Variants in TENM2 observed in about 807,000 individuals in gnomAD.
TENM2 encodes teneurin transmembrane protein 2, also known as teneurin-2.
A neutral mutation model predicts 245.2 loss-of-function variants in TENM2; 52 were observed. That is an observed-to-expected ratio of 0.21 (90% CI 0.17 to 0.27). TENM2 has a LOEUF of 0.27. Ranked by LOEUF, TENM2 falls within the 10% of genes least tolerant of loss-of-function variation. TENM2 has a pLI of 1.00. For missense variants in TENM2, 3,046 were observed against 3,666.8 expected (o/e 0.83, Z 4.37); for synonymous variants, 1,363 against 1,438.9 (o/e 0.95, Z 1.19).
the TENM2 span, among the ~76,000 whole-genome samples, chr5:167,218,682 A>G: frequency 6.6e-6 from 1 of 152,208 alleles, no homozygotes; most frequent in South Asian, 2.1e-4. Flanking sequence ...AAAATAAATG[A>G]ATAAAAGAAA....
chr5:167,439,086 A>G (rs984535076), intron 2 of TENM2, among the ~76,000 whole-genome samples: 2 of 152,172 alleles, frequency 1.3e-5, no homozygotes, highest in Non-Finnish European at 2.9e-5. Flanking sequence ...GAGCCGCCGC[A>G]CCGGGCCGCC....
At chr5:167,191,839 G>C in the TENM2 span, among the ~76,000 whole-genome samples, 60 of 152,048 alleles carry the variant, frequency 3.9e-4, no homozygotes, top group African/African-American at 1.4e-3. Flanking sequence ...CTCAAAACTT[G>C]TTAAAAATTC....
At chr5:168,042,746 T>G (rs1428512747) in intron 5 of TENM2, among the ~76,000 whole-genome samples, 1 of 152,224 alleles carries the variant, frequency 6.6e-6, no homozygotes, top group Non-Finnish European at 1.5e-5. Context: ...TTATCCTTAC[T>G]GAAATCGGGG....
intron 2 of TENM2, among the ~76,000 whole-genome samples, chr5:167,648,770 G>T (rs1444642349): frequency 6.6e-6 from 1 of 152,156 alleles, no homozygotes; most frequent in African/African-American, 2.4e-5. Flanking sequence ...TTGATGTTGG[G>T]AATCAGTTAA....
chr5:167,958,409 TG>T (rs1780729350), intron 4 of TENM2, among the ~76,000 whole-genome samples: 1 of 152,190 alleles, frequency 6.6e-6, no homozygotes, highest in African/African-American at 2.4e-5. Context: ...TACAGCACAC[TG>T]ATGGGTCTTG....
At chr5:167,048,709 G>T in the TENM2 span, among the ~76,000 whole-genome samples, 760 of 152,174 alleles carry the variant, frequency 5.0e-3, 6 homozygotes, top group Middle Eastern at 0.017. Context: ...AAAAAGTATT[G>T]CTGCTAAATA....
chr5:167,433,502 T>C (rs1259857492), intron 2 of TENM2, among the ~76,000 whole-genome samples: 1 of 152,192 alleles, frequency 6.6e-6, no homozygotes, highest in African/African-American at 2.4e-5. Flanking sequence ...CTTATGCTTT[T>C]TATTGCTGTT....
the TENM2 span, among the ~76,000 whole-genome samples, chr5:167,226,620 ATGTTTCATG>A: frequency 6.6e-6 from 1 of 152,054 alleles, no homozygotes; most frequent in African/African-American, 2.4e-5. Context: ...ATCCTGGAGA[ATGTTTCATG>A]TGCTGATGAG....
Position 168,218,159 on chromosome 5 carries a change from A to G in TENM2, c.4268A>G (p.Asn1423Ser), listed in dbSNP as rs771240154. 3.7e-6 allele frequency: 6 copies of G among 1,613,692 alleles called. No homozygotes were observed. The highest frequency in any genetic ancestry group is 1.1e-5 in the South Asian group (1 of 91,074). ...GAGTGGCCAACAGACCTTGCTGTCA[A>G]TCCCATGGATAACTCCTTGTATGTT... Residue 1423 changes from asparagine (N) to serine (S), a missense_variant, in exon 23 of 29, where the codon AAT (asparagine) becomes AGT (serine). This residue lies in a region of TENM2 where 2,704 missense variants were observed against 3,331.9 expected (regional missense o/e 0.81). Coordinates refer to ENST00000518659, the Ensembl canonical transcript of TENM2. The surrounding 1 kb of genome is among the most constrained non-coding windows in gnomAD (Gnocchi z 5.2).
chr5:167,867,121 C>T (rs187056628), intron 2 of TENM2, among the ~76,000 whole-genome samples: 45 of 152,250 alleles, frequency 3.0e-4, no homozygotes, highest in Middle Eastern at 6.8e-3. Context: ...ATTTGAGGAT[C>T]CATTGCCTTT....
intron 2 of TENM2, among the ~76,000 whole-genome samples, chr5:167,459,965 G>A (rs944408136): frequency 1.3e-5 from 2 of 149,752 alleles, no homozygotes; most frequent in Non-Finnish European, 3.0e-5. Context: ...ACACTCAAAC[G>A]CATATATATA....
At chr5:167,401,180 T>C (rs1762350201) in intron 2 of TENM2, among the ~76,000 whole-genome samples, 1 of 152,102 alleles carries the variant, frequency 6.6e-6, no homozygotes, top group South Asian at 2.1e-4. Context: ...TGTACATATG[T>C]AGAGATCTTG....
intron 1 of TENM2, among the ~76,000 whole-genome samples, chr5:167,366,631 G>A (rs1760071178): frequency 2.6e-5 from 4 of 152,060 alleles, no homozygotes; most frequent in African/African-American, 9.7e-5. Flanking sequence ...CTTAACCTTA[G>A]GCTATATGGT....
chr5:167,560,866 G>A (rs1773538911), intron 2 of TENM2, among the ~76,000 whole-genome samples: 1 of 152,114 alleles, frequency 6.6e-6, no homozygotes, highest in Non-Finnish European at 1.5e-5. Flanking sequence ...CTCCCCAGGG[G>A]ACAGTTGGCA....
chr5:167,354,174 G>A (rs781517901), intron 1 of TENM2, among the ~76,000 whole-genome samples: 28 of 152,202 alleles, frequency 1.8e-4, no homozygotes, highest in Non-Finnish European at 4.0e-4. Context: ...CAGATCTGGC[G>A]TGATGGGAGA....
At chr5:167,589,287 T>C (rs1262986377) in intron 2 of TENM2, among the ~76,000 whole-genome samples, 3 of 152,168 alleles carry the variant, frequency 2.0e-5, no homozygotes, top group Non-Finnish European at 4.4e-5. Flanking sequence ...ACCTTTCATG[T>C]GTTGTCTCTG....
intron 3 of TENM2, among the ~76,000 whole-genome samples, chr5:167,880,039 A>G (rs1773747156): frequency 6.6e-6 from 1 of 151,992 alleles, no homozygotes; most frequent in African/African-American, 2.4e-5. Context: ...GCTTATAAAA[A>G]TCGTTACTTT....
exon 4 of TENM2, chr5:167,952,592 T>C (rs1428037428): frequency 1.5e-5 from 24 of 1,608,436 alleles, no homozygotes; most frequent in East Asian, 2.2e-5. Flanking sequence ...TTTCAGGCCC[T>C]CCGAACCACC....
chr5:167,211,057 A>G, the TENM2 span, among the ~76,000 whole-genome samples: 4 of 152,204 alleles, frequency 2.6e-5, no homozygotes, highest in Admixed American at 2.6e-4. Flanking sequence ...GGAGGCTCCA[A>G]CAAGGTCTTT....
Sources: gnomAD v4.1 joint callset for allele counts (sites outside exome capture counted in the v4.1 genomes callset) on GRCh38, gnomAD v4.1.1 for gene constraint, gnomAD v4.1.1 regional missense constraint, Gnocchi (gnomAD v3.1) non-coding constraint, MANE v1.5 for transcripts, NCBI Gene and HGNC (gene_info 2026-07-23, HGNC 2026-07-21) for gene names.